Variants in TLE1 observed in about 807,000 individuals in gnomAD.
TLE1 encodes the protein transducin-like enhancer protein 1.
A neutral mutation model predicts 89.8 loss-of-function variants in TLE1; 21 were observed. The ratio of observed to expected loss-of-function variants is 0.23; its 90% CI spans 0.17 to 0.34. TLE1 has a LOEUF of 0.34. Ranked by LOEUF, TLE1 falls within the 10% of genes least tolerant of loss-of-function variation. The probability of loss-of-function intolerance (pLI) is 1.00; values close to 1 mark genes in which losing one functional copy is unlikely to be tolerated. For synonymous variants in TLE1, 447 were observed against 407.6 expected, an observed-to-expected ratio of 1.10 and a Z score of -1.16; for missense variants, 795 against 1,031.2, an observed-to-expected ratio of 0.77 and a Z score of 3.14.
chr9:81,686,186 T>TC (rs1834255536), intron 2 of TLE1, among the ~76,000 whole-genome samples: 1 of 152,314 alleles, frequency 6.6e-6, no homozygotes, highest in African/African-American at 2.4e-5. Context: ...GGTCATCTGC[T>TC]CCCTACCTTC....
intron 7 of TLE1, 146 bp downstream of exon 7, chr9:81,633,951 T>C (rs919749316): frequency 7.6e-5 from 69 of 907,772 alleles, no homozygotes; most frequent in Non-Finnish European, 1.0e-4. Context: ...GTGACCTGTG[T>C]TTCAGTGGAA....
intron 8 of TLE1, among the ~76,000 whole-genome samples, 158 bp downstream of exon 8, chr9:81,633,190 G>GA (rs895203964): frequency 5.3e-5 from 8 of 152,018 alleles, no homozygotes; most frequent in African/African-American, 1.9e-4. Context: ...AATTTTAAAG[G>GA]AAAAAAAGTA....
chr9:81,681,493 TGAGCC>T (rs1833621265), intron 4 of TLE1, among the ~76,000 whole-genome samples: 1 of 151,144 alleles, frequency 6.6e-6, no homozygotes, highest in African/African-American at 2.4e-5. Flanking sequence ...GAGGTTGCAG[TGAGCC>T]GAGACTGTGC....
chr9:81,615,727 AAAG>A (rs1184572103), intron 11 of TLE1, among the ~76,000 whole-genome samples: 198 of 147,204 alleles, frequency 1.3e-3, no homozygotes, highest in Middle Eastern at 6.9e-3. Flanking sequence ...AAAAAAAAAA[AAAG>A]AAGAAGAAGA....
intron 4 of TLE1, among the ~76,000 whole-genome samples, chr9:81,683,503 C>T (rs1023843026): frequency 1.3e-5 from 2 of 152,210 alleles, no homozygotes; most frequent in African/African-American, 4.8e-5. Flanking sequence ...GGGGGCCAGA[C>T]GTCACCAGTT....
intron 4 of TLE1, among the ~76,000 whole-genome samples, chr9:81,668,301 A>G (rs1831760051): frequency 6.6e-6 from 1 of 152,184 alleles, no homozygotes; most frequent in Admixed American, 6.5e-5. Flanking sequence ...TTATTTTCTC[A>G]AAAGCATTTT....
chr9:81,614,206 CCAGAAGACCCCTTT>C (rs1315390368), intron 11 of TLE1, among the ~76,000 whole-genome samples: 9 of 151,900 alleles, frequency 5.9e-5, no homozygotes, highest in Non-Finnish European at 1.2e-4. Flanking sequence ...CCGCGCCAGG[CCAGAAGACCCCTTT>C]TCAAGTCTCC....
chr9:81,633,252 CTG>C, intron 8 of TLE1, 94 bp downstream of exon 8: 1 of 1,591,376 alleles, frequency 6.3e-7, no homozygotes. Flanking sequence ...GCATGTCTGT[CTG>C]TGCCTGTGTG....
At chr9:81,599,275 AC>A (rs1434819926) in intron 14 of TLE1, among the ~76,000 whole-genome samples, 1 of 151,896 alleles carries the variant, frequency 6.6e-6, no homozygotes, top group Non-Finnish European at 1.5e-5. Flanking sequence ...CGGTAGACCA[AC>A]TCCAGCTCAG....
chr9:81,674,442 C>T (rs1832633494), intron 4 of TLE1, among the ~76,000 whole-genome samples: 1 of 152,130 alleles, frequency 6.6e-6, no homozygotes, highest in African/African-American at 2.4e-5. Flanking sequence ...ACACTGGGGT[C>T]CTCAATGAGG....
chr9:81,592,096 C>T (rs1441045173), intron 15 of TLE1, among the ~76,000 whole-genome samples: 6 of 152,212 alleles, frequency 3.9e-5, no homozygotes, highest in East Asian at 1.9e-4. Context: ...CGGTGGCTCA[C>T]GCCTATAATC....
intron 9 of TLE1, among the ~76,000 whole-genome samples, chr9:81,619,160 C>A (rs887971308): frequency 6.6e-6 from 1 of 152,160 alleles, no homozygotes; most frequent in Non-Finnish European, 1.5e-5. Context: ...TGAAAGTACA[C>A]AATGAAAGTA....
In TLE1 at chr9:81,616,130, G is replaced by C. The variant is rs779108982; in HGVS notation, c.770C>G (p.Pro257Arg). Residue 257 changes from proline (P) to arginine (R), a missense_variant, in exon 11 of 20, where the codon CCT (proline) becomes CGT (arginine). By Grantham distance (103) the Pro-to-Arg change is moderately radical. Around this residue, in one of 4 missense-constraint regions of TLE1, gnomAD observed 468 missense variants for 509.1 expected, o/e 0.92. Coordinates refer to ENST00000376499, the MANE Select transcript of TLE1 (RefSeq NM_005077.5). ...GGCAGGGCTTGCTCGCGGAGAAGAA[G>C]GGTCCTCAACAAGCATAATCAAAAG... The part of the protein sequence containing the change: ...NLVVDVSNED[P>R]SSPRASPAHS... 4.3e-6 allele frequency: 7 copies of C among 1,610,062 alleles called. No individual in the cohort carries two copies. The highest frequency in any genetic ancestry group is 5.1e-6 in the Non-Finnish European group (6 of 1,179,092).
At chr9:81,674,318 A>G (rs1407292472) in intron 4 of TLE1, among the ~76,000 whole-genome samples, 1 of 152,172 alleles carries the variant, frequency 6.6e-6, no homozygotes, top group Non-Finnish European at 1.5e-5. Context: ...CTGTACTTAT[A>G]AGAAGCTCTG....
At chr9:81,644,757 G>A (rs145673265) in intron 6 of TLE1, among the ~76,000 whole-genome samples, 1 of 152,244 alleles carries the variant, frequency 6.6e-6, no homozygotes, top group African/African-American at 2.4e-5. Flanking sequence ...ACTTTGGGAG[G>A]CAGAGACAGG....
At chr9:81,641,977 G>A (rs1296934029) in intron 6 of TLE1, among the ~76,000 whole-genome samples, 1 of 152,100 alleles carries the variant, frequency 6.6e-6, no homozygotes, top group South Asian at 2.1e-4. Flanking sequence ...AGCGGAGATC[G>A]CGCCATTGCA....
At chr9:81,609,500 C>T (rs1823431963) in intron 14 of TLE1, among the ~76,000 whole-genome samples, 1 of 152,222 alleles carries the variant, frequency 6.6e-6, no homozygotes, top group Non-Finnish European at 1.5e-5. Context: ...TTTGAAATCA[C>T]ACTTCTAATT....
chr9:81,596,642 C>T (rs912932587), intron 14 of TLE1, among the ~76,000 whole-genome samples: 2 of 152,138 alleles, frequency 1.3e-5, no homozygotes, highest in Non-Finnish European at 2.9e-5. Flanking sequence ...TCATGAATAT[C>T]GCTCACACCT....
intron 4 of TLE1, among the ~76,000 whole-genome samples, chr9:81,671,916 A>AG (rs1349160318): frequency 1.3e-5 from 2 of 152,192 alleles, no homozygotes; most frequent in African/African-American, 4.8e-5. Context: ...AGCTGTGCAG[A>AG]GACATTGGCT....
Sources: gnomAD v4.1 joint callset for allele counts (sites outside exome capture counted in the v4.1 genomes callset) on GRCh38, gnomAD v4.1.1 for gene constraint, gnomAD v4.1.1 regional missense constraint, MANE v1.5 for transcripts, NCBI Gene and HGNC (gene_info 2026-07-23, HGNC 2026-07-21) for gene names.